Variants in KRI1 observed in about 807,000 individuals in gnomAD.
KRI1 encodes KRI1 homolog, also known as protein KRI1 homolog.
A neutral mutation model predicts 97.0 loss-of-function variants in KRI1; 83 were observed. The ratio of observed to expected loss-of-function variants is 0.86; its 90% confidence interval spans 0.72 to 1.03. The LOEUF is 1.03. Ranked by LOEUF, KRI1 falls within the 50% of genes least tolerant of loss-of-function variation. The pLI is 0.00. For synonymous variants in KRI1, 371 were observed against 363.5 expected, an observed-to-expected ratio of 1.02 and a Z score of -0.23; for missense variants, 916 against 928.4, an observed-to-expected ratio of 0.99 and a Z score of 0.17.
At chr19:10,563,064 ATTTT>A (rs1280683763) in intron 3 of KRI1, among the ~76,000 whole-genome samples, 2 of 150,354 alleles carry the variant, frequency 1.3e-5, no homozygotes, top group Non-Finnish European at 3.0e-5. Flanking sequence ...TTATTTACTT[ATTTT>A]TTTTTGAGGT....
Position 10,561,268 on chromosome 19 carries a change from G to C in KRI1, c.489-3C>G. The stretch of plus-strand genomic sequence containing the variant: ...TGTCCTCCACAAATGCCCGGAAGCT[G>C]CCCACGAGAGAAAACAAGCCTCAGG... On this transcript the variant is annotated splice_polypyrimidine_tract_variant and splice_region_variant and intron_variant, in intron 6 of 18. Coordinates refer to ENST00000312962, the MANE Select transcript of KRI1 (RefSeq NM_023008.5). 6.2e-7 allele frequency: 1 copy of C among 1,613,778 alleles called. No individual in the cohort carries two copies. Among genetic ancestry groups the C allele is most frequent in the Non-Finnish European group, 8.5e-7 (1 of 1,179,820 alleles).
At chr19:10,564,062 G>A (rs1051523637) in intron 3 of KRI1, among the ~76,000 whole-genome samples, 1 of 147,560 alleles carries the variant, frequency 6.8e-6, no homozygotes, top group Non-Finnish European at 1.5e-5. Flanking sequence ...AGGAGAATCG[G>A]TTGAACCGGG....
At chr19:10,559,027 C>T (rs1450097384) in intron 12 of KRI1, among the ~76,000 whole-genome samples, 1 of 135,858 alleles carries the variant, frequency 7.4e-6, no homozygotes, top group Non-Finnish European at 1.6e-5. Context: ...TTTTTTAAAA[C>T]AGAGGCTCCC....
Position 10,562,812 on chromosome 19 carries a change from G to A in KRI1, c.300C>T (p.Asp100=). Residue 100 remains aspartate, a synonymous_variant, in exon 4 of 19, where the codon GAC becomes GAT. Coordinates refer to ENST00000312962, the MANE Select transcript of KRI1 (RefSeq NM_023008.5). Reference sequence around the variant, plus strand: ...TCTTCTGCTTCTCCAAGGCTTCTGGGTCCTCCTCACTGTCTGATGACGATG... The same window carrying A: ...TCTTCTGCTTCTCCAAGGCTTCTGGATCCTCCTCACTGTCTGATGACGATG... ...RTASSSDSEE[D]PEALEKQKKV... 2 of 1,611,962 alleles carry A rather than the reference G, an allele frequency of 1.2e-6. No individual in the cohort carries two copies. Among genetic ancestry groups the A allele is most frequent in the Non-Finnish European group, 1.7e-6 (2 of 1,178,132 alleles).
Position 10,553,560 on chromosome 19 carries a change from T to G in KRI1, c.*391A>C. The G allele has an allele frequency of 5.4e-6, 1 of 184,028 alleles. No homozygotes were observed. The allele number at this position is 184,028 out of a possible 1,614,324, so 11.4% of individuals were successfully genotyped here. A position where few individuals can be genotyped will look rare whatever the true frequency, so the allele number is the denominator to read the frequency against. ...ATGGGACGACTTCCTTACCCACAGCTACACGTGTTTTTTAATTTTTTTTTT... is the reference window on the plus strand; with the variant it reads ...ATGGGACGACTTCCTTACCCACAGCGACACGTGTTTTTTAATTTTTTTTTT... On this transcript the variant is annotated 3_prime_UTR_variant, in exon 19 of 19. Transcript: ENST00000312962.
At position 10,565,892 on chromosome 19, in the gene KRI1, C is replaced by A. The variant is rs745632928; in HGVS notation, c.94+14G>T. The A allele has an allele frequency of 6.5e-7, 1 of 1,530,566 alleles. No individual in the cohort carries two copies. Among genetic ancestry groups the A allele is most frequent in the African/African-American group, 1.4e-5 (1 of 70,998 alleles). 94.8% of individuals were successfully genotyped at this position (1,530,566 alleles called of 1,614,324 possible). ...GCGCGCGCAGGCTCCCGCGCGCATG[C>A]GCCCCGCACTCACGCCGCTGCAGTT... On this transcript the variant is annotated intron_variant, in intron 1 of 18. Coordinates refer to ENST00000312962, the MANE Select transcript of KRI1 (RefSeq NM_023008.5).
chr19:10,565,093 G>A, intron 2 of KRI1, 59 bp from the exon 3 acceptor site: 4 of 1,122,666 alleles, frequency 3.6e-6, no homozygotes, highest in Middle Eastern at 2.2e-4. Context: ...GAGCCCTGGC[G>A]CCAGCAGGTG....
chr19:10,561,463 T>C (rs1479879704), intron 6 of KRI1, among the ~76,000 whole-genome samples, 198 bp from the exon 7 acceptor site: 3 of 152,160 alleles, frequency 2.0e-5, no homozygotes, highest in African/African-American at 7.2e-5. Flanking sequence ...CCTGGCTGGC[T>C]GCCCCAAGAT....
rs1214670819 is a variant in KRI1, at chr19:10,553,859, A to C, written c.*92T>G. ...GGCGTGCCTGGCCACAGATGAGAGG[A>C]TCTCTGCAGCAGATAGTACTTGTGG... On this transcript the variant is annotated 3_prime_UTR_variant, in exon 19 of 19. Coordinates refer to ENST00000312962, the MANE Select transcript of KRI1 (RefSeq NM_023008.5). 3.7e-6 allele frequency: 4 copies of C among 1,079,926 alleles called. No individual in the cohort carries two copies. In the South Asian group the frequency reaches 6.9e-5, roughly 19 times the overall value. The allele number at this position is 1,079,926 out of a possible 1,614,324, so 66.9% of individuals were successfully genotyped here.
intron 6 of KRI1, 119 bp from the exon 7 acceptor site, chr19:10,561,384 T>C: frequency 1.0e-6 from 1 of 965,662 alleles, no homozygotes; most frequent in Non-Finnish European, 1.6e-6. Context: ...GATCTTGAAC[T>C]CCTGGGCTCA....
intron 3 of KRI1, among the ~76,000 whole-genome samples, chr19:10,563,997 A>G (rs139001131): frequency 0.19 from 28,144 of 151,038 alleles, 3,081 homozygotes; most frequent in Non-Finnish European, 0.25. Context: ...TAACAAAAAA[A>G]TAGCTGGGCG....
intron 12 of KRI1, among the ~76,000 whole-genome samples, chr19:10,558,871 A>G (rs1916603234): frequency 6.6e-6 from 1 of 151,762 alleles, no homozygotes; most frequent in South Asian, 2.1e-4. Context: ...CACCCTGGCT[A>G]ATTTTTTGTA....
intron 16 of KRI1, 70 bp from the exon 17 acceptor site, chr19:10,555,419 A>T (rs1279962220): frequency 7.1e-6 from 11 of 1,538,844 alleles, no homozygotes; most frequent in Non-Finnish European, 9.9e-6. Flanking sequence ...AGCCTAAGTC[A>T]TGTCATTAGT....
chr19:10,560,278 A>C, intron 9 of KRI1, 34 bp downstream of exon 9: 1 of 1,559,796 alleles, frequency 6.4e-7, no homozygotes, highest in Non-Finnish European at 8.7e-7. Flanking sequence ...AAGCGCACCC[A>C]AAATCTAGGT....
In KRI1 at chr19:10,561,703, T is replaced by C. The variant is rs541599237; in HGVS notation, c.452A>G (p.Gln151Arg). The C allele has an allele frequency of 6.2e-7, 1 of 1,614,052 alleles. No individual in the cohort carries two copies. Among genetic ancestry groups the C allele is most frequent in the African/African-American group, 1.3e-5 (1 of 75,014 alleles). Residue 151 changes from glutamine to arginine, a missense_variant, in exon 6 of 19, where the codon CAA (glutamine) becomes CGA (arginine). Physicochemically the swap from Gln to Arg is conservative, Grantham distance 43. Transcript: ENST00000312962. ...SNHRLQETSS[Q>R]SYVEEQKQLK... ...CTGTTTCTGTTCCTCCACATAACTT[T>C]GCGACGATGTCTCCTGCAGAGAGGG... is the stretch of plus-strand genomic sequence containing the variant.
At chr19:10,560,240 G>A in intron 9 of KRI1, 72 bp downstream of exon 9, 1 of 1,501,126 alleles carries the variant, frequency 6.7e-7, no homozygotes, top group Admixed American at 2.2e-5. Context: ...TCTGCCTCCT[G>A]GCCAGTGCCG....
At chr19:10,556,451 T>C (rs1010539769) in intron 16 of KRI1, among the ~76,000 whole-genome samples, 2 of 152,068 alleles carry the variant, frequency 1.3e-5, no homozygotes, top group African/African-American at 4.8e-5. Flanking sequence ...GCAGATCACA[T>C]GAGGCCAGGA....
intron 3 of KRI1, 31 bp from the exon 4 acceptor site, chr19:10,562,868 C>G (rs1356705281): frequency 7.6e-7 from 1 of 1,312,758 alleles, no homozygotes. Flanking sequence ...CCTGCCATCA[C>G]CCACAACCCC....
chr19:10,558,879 G>A (rs1349472744), intron 12 of KRI1, among the ~76,000 whole-genome samples: 1 of 151,276 alleles, frequency 6.6e-6, no homozygotes, highest in African/African-American at 2.4e-5. Context: ...CTAATTTTTT[G>A]TATCTTTAGT....
Sources: allele counts gnomAD v4.1 joint callset (sites outside exome capture counted in the v4.1 genomes callset), GRCh38; gene constraint gnomAD v4.1.1; transcripts MANE v1.5; gene names NCBI Gene and HGNC (gene_info 2026-07-23, HGNC 2026-07-21).